The following GPC5 variants were observed in gnomAD, a reference collection of about 807,000 sequenced individuals.
The protein encoded by GPC5 is glypican-5.
A neutral mutation model predicts 53.9 loss-of-function variants in GPC5; 47 were observed. The ratio of observed to expected loss-of-function variants is 0.87; its 90% CI spans 0.69 to 1.11. The LOEUF is 1.11. Ranked by LOEUF, GPC5 falls within the 50% of genes most tolerant of loss-of-function variation. The probability of loss-of-function intolerance (pLI) is 0.00; values close to 1 mark genes in which losing one functional copy is unlikely to be tolerated. For missense variants in GPC5, 748 were observed against 713.1 expected (o/e 1.05, Z -0.56); for synonymous variants, 286 against 263.3 (o/e 1.09, Z -0.84).
At chr13:92,004,172 C>T (rs1239684053) in intron 6 of GPC5, among the ~76,000 whole-genome samples, 4 of 151,882 alleles carry the variant, frequency 2.6e-5, no homozygotes, top group East Asian at 1.9e-4. Flanking sequence ...ATAGGCCAGG[C>T]GCAGTAGCTC....
intron 2 of GPC5, among the ~76,000 whole-genome samples, chr13:91,666,747 G>T (rs1340004598): frequency 6.6e-6 from 1 of 151,856 alleles, no homozygotes; most frequent in Non-Finnish European, 1.5e-5. Flanking sequence ...GTATATTTTT[G>T]TTTTTCTACT....
intron 2 of GPC5, among the ~76,000 whole-genome samples, chr13:91,464,266 A>G (rs555159219): frequency 6.6e-6 from 1 of 152,290 alleles, no homozygotes; most frequent in South Asian, 2.1e-4. Flanking sequence ...TGGATCACTG[A>G]GGCACTGTTC....
chr13:92,507,067 CT>C (rs547048797), intron 7 of GPC5, among the ~76,000 whole-genome samples: 78 of 152,262 alleles, frequency 5.1e-4, no homozygotes, highest in Middle Eastern at 3.4e-3. Context: ...CTTCCTCTGC[CT>C]AGAATATTCT....
chr13:92,264,665 GTT>G (rs200611472), intron 7 of GPC5, among the ~76,000 whole-genome samples: 31 of 148,248 alleles, frequency 2.1e-4, no homozygotes, highest in East Asian at 3.9e-4. Context: ...TTCTTGTCTA[GTT>G]TTTTTTTTTT....
intron 4 of GPC5, among the ~76,000 whole-genome samples, chr13:91,729,202 T>C (rs1159361225): frequency 6.6e-6 from 1 of 152,220 alleles, no homozygotes; most frequent in Non-Finnish European, 1.5e-5. Flanking sequence ...ATCTGTTGAT[T>C]CAAAATAATA....
At chr13:91,731,856 C>T (rs1400367880) in intron 4 of GPC5, among the ~76,000 whole-genome samples, 21 of 152,130 alleles carry the variant, frequency 1.4e-4, no homozygotes, top group Non-Finnish European at 2.2e-4. Context: ...GAAAAGGACA[C>T]GGTCTCATTC....
intron 2 of GPC5, among the ~76,000 whole-genome samples, chr13:91,469,646 A>C (rs1188694811): frequency 6.6e-6 from 1 of 151,922 alleles, no homozygotes; most frequent in Non-Finnish European, 1.5e-5. Flanking sequence ...AAGGTTATAT[A>C]TTTTTTCTAT....
intron 7 of GPC5, among the ~76,000 whole-genome samples, chr13:92,736,169 C>A (rs1888929870): frequency 6.6e-6 from 1 of 151,954 alleles, no homozygotes; most frequent in African/African-American, 2.4e-5. Context: ...TCTTTGTTTA[C>A]TTCTATGCTA....
intron 4 of GPC5, among the ~76,000 whole-genome samples, chr13:91,745,236 G>A (rs1017169689): frequency 6.6e-6 from 1 of 152,074 alleles, no homozygotes; most frequent in Non-Finnish European, 1.5e-5. Context: ...AGAGGAGGAT[G>A]CTTTCAGAAA....
At chr13:91,868,403 T>G (rs2039106939) in intron 5 of GPC5, among the ~76,000 whole-genome samples, 1 of 152,108 alleles carries the variant, frequency 6.6e-6, no homozygotes, top group Admixed American at 6.5e-5. Context: ...GAAAGTAATA[T>G]GAGGTAAAGT....
At chr13:91,811,488 A>T (rs2038311258) in intron 5 of GPC5, among the ~76,000 whole-genome samples, 2 of 152,156 alleles carry the variant, frequency 1.3e-5, no homozygotes, top group African/African-American at 4.8e-5. Flanking sequence ...AATTGTGTAG[A>T]GACAATGGAA....
chr13:92,613,384 A>ATATTTATATATAAATATATTTTATAT (rs1555295313), intron 7 of GPC5, among the ~76,000 whole-genome samples: 12 of 68,878 alleles, frequency 1.7e-4, no homozygotes, highest in African/African-American at 6.1e-4. Flanking sequence ...AATATATTAT[A>ATATTTATATATAAATATATTTTATAT]TTATATATAA....
At chr13:91,448,714 T>C (rs754327954) in intron 1 of GPC5, 47 bp from the exon 2 acceptor site, 1 of 1,584,942 alleles carries the variant, frequency 6.3e-7, no homozygotes, top group Non-Finnish European at 8.6e-7. Context: ...TATGTAATAC[T>C]TGTTAAATGA....
intron 7 of GPC5, among the ~76,000 whole-genome samples, chr13:92,263,345 A>C (rs2042779425): frequency 6.6e-6 from 1 of 152,142 alleles, no homozygotes; most frequent in Admixed American, 6.5e-5. Flanking sequence ...GAAGCAACAC[A>C]CTTCATACTC....
chr13:92,863,694 T>G (rs1879253658), intron 7 of GPC5, among the ~76,000 whole-genome samples: 1 of 152,146 alleles, frequency 6.6e-6, no homozygotes, highest in Non-Finnish European at 1.5e-5. Context: ...GGTTTCTCCA[T>G]GTTGGTCAGG....
chr13:91,969,072 G>A (rs112518437), intron 6 of GPC5, among the ~76,000 whole-genome samples: 2,886 of 151,968 alleles, frequency 0.019, 91 homozygotes, highest in African/African-American at 0.066. Flanking sequence ...AGGTTCAAGC[G>A]ATTCTCCTGC....
intron 7 of GPC5, among the ~76,000 whole-genome samples, chr13:92,468,042 T>C (rs1878767025): frequency 6.6e-6 from 1 of 152,152 alleles, no homozygotes; most frequent in Non-Finnish European, 1.5e-5. Flanking sequence ...CCCACCTTTT[T>C]TTTCTGAATA....
rs1884495616 is a variant in GPC5 at position 92,613,169 on chromosome 13, A to G, written c.1562-253113A>G. Among the ~76,000 whole-genome samples the G allele has an allele frequency of 2.0e-5, 3 of 146,554 alleles. No homozygotes were observed. In the Admixed American group the frequency reaches 2.2e-4, roughly 11 times the overall value. Reference sequence around the variant, plus strand: ...TAGGTTTGCAATGATAAGGAAAAAAATAATCAAACAGGGACTGTGTTCGCA... The same window carrying G: ...TAGGTTTGCAATGATAAGGAAAAAAGTAATCAAACAGGGACTGTGTTCGCA... On this transcript the variant is annotated intron_variant, in intron 7 of 7. Coordinates refer to ENST00000377067, the MANE Select transcript of GPC5 (RefSeq NM_004466.6).
intron 7 of GPC5, among the ~76,000 whole-genome samples, chr13:92,148,037 C>T (rs546719819): frequency 6.6e-6 from 1 of 151,936 alleles, no homozygotes; most frequent in South Asian, 2.1e-4. Context: ...TGAAATGCAC[C>T]ACTATTTCTT....
Sources: allele counts gnomAD v4.1 joint callset (sites outside exome capture counted in the v4.1 genomes callset), GRCh38; gene constraint gnomAD v4.1.1; transcripts MANE v1.5; gene names NCBI Gene and HGNC (gene_info 2026-07-23, HGNC 2026-07-21).